RHCG: variants seen among roughly 807,000 people sequenced by gnomAD.
RHCG encodes the protein ammonium transporter Rh type C.
Under a neutral mutation model 55.3 loss-of-function variants are expected in RHCG, and 39 were observed. The ratio of observed to expected loss-of-function variants is 0.70; its 90% CI spans 0.55 to 0.92. The LOEUF is 0.92. RHCG is among the 40% of genes least tolerant of loss of function. The probability of loss-of-function intolerance (pLI) is 0.00; values close to 1 mark genes in which losing one functional copy is unlikely to be tolerated. For synonymous variants in RHCG, 250 were observed against 246.8 expected (o/e 1.01, Z -0.12); for missense variants, 635 against 627.9 (o/e 1.01, Z -0.12).
intron 2 of RHCG, 49 bp from the exon 3 acceptor site, chr15:89,483,266 G>A (rs1166553746): frequency 6.9e-7 from 1 of 1,458,082 alleles, no homozygotes; most frequent in South Asian, 1.5e-5. Flanking sequence ...GCAAAAAGTG[G>A]CACTGGAGGC....
At chr15:89,486,591 A>AGTGTGT (rs1246539749) in intron 2 of RHCG, 6 of 471,610 alleles carry the variant, frequency 1.3e-5, no homozygotes, top group Admixed American at 5.4e-5. Context: ...AGAGAGAGAG[A>AGTGTGT]GAGAGAGAGT....
At position 89,480,416 on chromosome 15, in the gene RHCG, G is replaced by A; in HGVS notation, c.523-8C>T. 1 of 1,610,838 alleles carries A rather than the reference G, an allele frequency of 6.2e-7. No individual in the cohort carries two copies. The highest frequency in any genetic ancestry group is 8.5e-7 in the Non-Finnish European group (1 of 1,177,708). On this transcript the variant is annotated splice_region_variant and splice_polypyrimidine_tract_variant and intron_variant, in intron 3 of 10. Coordinates refer to ENST00000268122, the MANE Select transcript of RHCG (RefSeq NM_016321.3). ...GCCTCCTGCATCCTTCACCTGGGGTGCAAGGGGCCTGTCAGACTCTGGCAC... is the reference window on the plus strand; with the variant it reads ...GCCTCCTGCATCCTTCACCTGGGGTACAAGGGGCCTGTCAGACTCTGGCAC...
chr15:89,486,135 G>A (rs1961354141), intron 2 of RHCG: 1 of 403,672 alleles, frequency 2.5e-6, no homozygotes, highest in Non-Finnish European at 5.0e-6. Context: ...ACAGTAGGGT[G>A]CTCCACCCGT....
At chr15:89,481,652 C>G (rs550225125) in intron 3 of RHCG, among the ~76,000 whole-genome samples, 1 of 152,114 alleles carries the variant, frequency 6.6e-6, no homozygotes, top group Non-Finnish European at 1.5e-5. Context: ...AGAGAGTAGA[C>G]AACATGTGGA....
chr15:89,489,177 A>G (rs1035825164), intron 1 of RHCG, among the ~76,000 whole-genome samples: 2 of 152,166 alleles, frequency 1.3e-5, no homozygotes, highest in African/African-American at 4.8e-5. Flanking sequence ...GTGCAGTGGC[A>G]CAATCTCAGC....
At position 89,484,188 on chromosome 15, in the gene RHCG, T is replaced by C. The variant is rs576187300; in HGVS notation, c.372-971A>G. Among the ~76,000 whole-genome samples, 197 of 152,276 alleles carry C rather than the reference T, an allele frequency of 1.3e-3. 2 individuals are homozygous for C. The highest frequency in any genetic ancestry group is 4.5e-3 in the African/African-American group (187 of 41,556). ...GGGTGAGGAGTGAGAATGAAACTAA[T>C]TGTAGGGCCAGTTCACTGGACTGTC... On this transcript the variant is annotated intron_variant, in intron 2 of 10. Coordinates refer to ENST00000268122, the MANE Select transcript of RHCG (RefSeq NM_016321.3).
At chr15:89,485,522 A>T (rs12441071) in intron 2 of RHCG, among the ~76,000 whole-genome samples, 3,061 of 152,304 alleles carry the variant, frequency 0.02, 64 homozygotes, top group African/African-American at 0.046. Context: ...TTGGTATCCT[A>T]AGAGTAACAG....
At chr15:89,478,033 G>A (rs1306798760) in intron 5 of RHCG, 59 bp from the exon 6 acceptor site, 2 of 1,545,610 alleles carry the variant, frequency 1.3e-6, no homozygotes, top group Admixed American at 3.7e-5. Flanking sequence ...CACCGGGCCT[G>A]GAGGAGCTCA....
chr15:89,495,162 A>T (rs1550373), intron 1 of RHCG, among the ~76,000 whole-genome samples: 150,627 of 152,308 alleles, frequency 0.99, 74,558 homozygotes, highest in Middle Eastern at 1. Flanking sequence ...CTAGGCACCA[A>T]GTAACTATTA....
In RHCG at chr15:89,496,400, A is replaced by G. The variant is rs1286513726; in HGVS notation, c.145T>C (p.Leu49=). 5 of 1,614,044 alleles carry G rather than the reference A, an allele frequency of 3.1e-6. No individual in the cohort carries two copies. The highest frequency in any genetic ancestry group is 4.2e-6 in the Non-Finnish European group (5 of 1,179,978). ...HWWSERTHKN[L]SDMENEFYYR... is the part of the protein sequence containing the mutation. ...TAGAATTCGTTCTCCATGTCGCTCA[A>G]GTTCTTGTGCGTCCTCTCTGACCAC... The change falls in exon 1 of 11, where the codon TTG becomes CTG. Residue 49 remains leucine (L), a synonymous_variant. Coordinates refer to ENST00000268122, the MANE Select transcript of RHCG (RefSeq NM_016321.3).
At chr15:89,474,889 C>A (rs568953935) in intron 9 of RHCG, among the ~76,000 whole-genome samples, 7 of 141,322 alleles carry the variant, frequency 5.0e-5, no homozygotes, top group Admixed American at 2.1e-4. Context: ...TTCCTGCCTG[C>A]CTTCCTTCCT....
chr15:89,486,864 C>T lies in RHCG; in HGVS notation c.306G>A (p.Trp102Ter). The T allele has an allele frequency of 1.2e-6, 2 of 1,612,386 alleles. No individual in the cohort carries two copies. Among genetic ancestry groups the T allele is most frequent in the Non-Finnish European group, 1.7e-6 (2 of 1,178,610 alleles). Residue 102 changes from tryptophan to a stop codon, truncating the protein, a stop_gained, in exon 2 of 11, where the codon TGG becomes TGA. Coordinates refer to ENST00000268122, the MANE Select transcript of RHCG (RefSeq NM_016321.3). LOFTEE classifies it high-confidence loss of function. ...NFLLAAFGIQWALLMQGWFHF... is the reference protein window; with the variant it reads ...NFLLAAFGIQ Reference sequence around the variant, plus strand: ...GGAACCAGCCCTGCATGAGCAGCGCCCACTGGATGCCGAAGGCTGCCAACA... The same window carrying T: ...GGAACCAGCCCTGCATGAGCAGCGCTCACTGGATGCCGAAGGCTGCCAACA...
In RHCG at chr15:89,472,833, G is replaced by C; in HGVS notation, c.1342C>G (p.Pro448Ala). 6.5e-7 allele frequency: 1 copy of C among 1,540,924 alleles called. No individual in the cohort carries two copies. Among genetic ancestry groups the C allele is most frequent in the Non-Finnish European group, 8.8e-7 (1 of 1,140,768 alleles). ...GAGGGCTTGAAGGTGGGGTCCTCAGGGATGTAGACAGTGCTGTTCCCTTCA... is the reference window on the plus strand; with the variant it reads ...GAGGGCTTGAAGGTGGGGTCCTCAGCGATGTAGACAGTGCTGTTCCCTTCA... ...MPEGNSTVYIPEDPTFKPSGP... is the reference protein window; with the variant it reads ...MPEGNSTVYIAEDPTFKPSGP... The change falls in exon 10 of 11, where the codon CCT (proline) becomes GCT (alanine). Residue 448 changes from proline (P) to alanine (A), a missense_variant. Pro to Ala is a conservative substitution (Grantham distance 27, BLOSUM62 -1). Coordinates refer to ENST00000268122, the MANE Select transcript of RHCG (RefSeq NM_016321.3).
intron 8 of RHCG, 93 bp from the exon 9 acceptor site, chr15:89,476,921 C>A: frequency 6.5e-7 from 1 of 1,537,346 alleles, no homozygotes; most frequent in East Asian, 2.2e-5. Flanking sequence ...CTCCTGGGGC[C>A]CTTGGGCTGA....
chr15:89,488,773 TGG>T (rs111712825), intron 1 of RHCG, among the ~76,000 whole-genome samples: 44 of 113,900 alleles, frequency 3.9e-4, no homozygotes, highest in African/African-American at 1.3e-3. Context: ...GCTGGGAGAA[TGG>T]GGGGGGGGGA....
chr15:89,477,727 C>A lies in RHCG; in HGVS notation c.976-74G>T. ...TGTGGGGAGGCCGGGATTCCAGAGA[C>A]CCAGGATTCTCTAGCCCTCAGCCCC... On this transcript the variant is annotated intron_variant, in intron 6 of 10. Coordinates refer to ENST00000268122, the MANE Select transcript of RHCG (RefSeq NM_016321.3). This position sits in a 1 kb window ranked among gnomAD's most constrained non-coding sequence, Gnocchi z 4.5. 3.1e-6 allele frequency: 5 copies of A among 1,604,014 alleles called. No homozygotes were observed. Among genetic ancestry groups the A allele is most frequent in the Non-Finnish European group, 4.3e-6 (5 of 1,172,552 alleles).
chr15:89,493,413 C>A (rs2141903981), intron 1 of RHCG, among the ~76,000 whole-genome samples: 1 of 152,360 alleles, frequency 6.6e-6, no homozygotes, highest in Middle Eastern at 3.4e-3. Context: ...TGGCTCCATG[C>A]CTGCTACCTG....
intron 2 of RHCG, 149 bp from the exon 3 acceptor site, chr15:89,483,366 T>C (rs1373320410): frequency 7.6e-6 from 5 of 660,340 alleles, no homozygotes; most frequent in Non-Finnish European, 1.2e-5. Context: ...CACCTAACAT[T>C]TAGAGCTACT....
At chr15:89,494,513 G>T (rs117927521) in intron 1 of RHCG, among the ~76,000 whole-genome samples, 3,545 of 152,238 alleles carry the variant, frequency 0.023, 76 homozygotes, top group Non-Finnish European at 0.029. Flanking sequence ...GGGTGTGAAA[G>T]GTGGGTGGGC....
Sources: allele counts gnomAD v4.1 joint callset (sites outside exome capture counted in the v4.1 genomes callset), GRCh38; gene constraint gnomAD v4.1.1; non-coding constraint Gnocchi (gnomAD v3.1); transcripts MANE v1.5; gene names NCBI Gene and HGNC (gene_info 2026-07-23, HGNC 2026-07-21).